SRBD1: variants seen among roughly 807,000 people sequenced by gnomAD.
SRBD1 encodes the protein S1 RNA-binding domain-containing protein 1.
Under a neutral mutation model 115.3 loss-of-function variants are expected in SRBD1, and 88 were observed. That is an observed-to-expected ratio of 0.76 (90% CI 0.64 to 0.91). SRBD1 has a LOEUF of 0.91. Ranked by LOEUF, SRBD1 falls within the 40% of genes least tolerant of loss-of-function variation. SRBD1 has a pLI of 0.00. For missense variants in SRBD1, 1,385 were observed against 1,177.4 expected, an observed-to-expected ratio of 1.18 and a Z score of -2.58; for synonymous variants, 509 against 407.7, an observed-to-expected ratio of 1.25 and a Z score of -2.99.
chr2:45,488,818 C>G (rs961535741), intron 14 of SRBD1, among the ~76,000 whole-genome samples: 1 of 151,646 alleles, frequency 6.6e-6, no homozygotes, highest in African/African-American at 2.4e-5. Flanking sequence ...ATCATAAGCA[C>G]TGTTATTGTT....
intron 16 of SRBD1, among the ~76,000 whole-genome samples, chr2:45,434,741 A>G (rs1469879825): frequency 6.6e-6 from 1 of 151,760 alleles, no homozygotes; most frequent in Non-Finnish European, 1.5e-5. Flanking sequence ...CTCCAGAATC[A>G]AGCCTTTCTT....
intron 16 of SRBD1, among the ~76,000 whole-genome samples, chr2:45,446,043 G>A (rs1433131989): frequency 6.6e-6 from 1 of 152,166 alleles, no homozygotes; most frequent in African/African-American, 2.4e-5. Flanking sequence ...CAGTTAAGTG[G>A]CTCCTGTCAG....
chr2:45,601,848 C>T, intron 3 of SRBD1, 55 bp downstream of exon 3: 1 of 1,583,002 alleles, frequency 6.3e-7, no homozygotes. Context: ...AAGAAAATAA[C>T]ATCACCAATC....
At chr2:45,420,886 G>A (rs1667976397) in intron 16 of SRBD1, among the ~76,000 whole-genome samples, 1 of 152,014 alleles carries the variant, frequency 6.6e-6, no homozygotes, top group Non-Finnish European at 1.5e-5. Flanking sequence ...TATACTTTAA[G>A]TTGTTCTAGG....
chr2:45,404,503 T>G (rs372929837), intron 19 of SRBD1, among the ~76,000 whole-genome samples: 7 of 152,296 alleles, frequency 4.6e-5, no homozygotes, highest in African/African-American at 1.7e-4. Context: ...TTTTGCCATT[T>G]GTAACCAGTT....
chr2:45,481,732 C>G (rs988740880), intron 15 of SRBD1, among the ~76,000 whole-genome samples: 3 of 151,930 alleles, frequency 2.0e-5, no homozygotes, highest in Non-Finnish European at 4.4e-5. Flanking sequence ...CAACTGATGA[C>G]TAAACAAAAT....
At chr2:45,438,642 A>G (rs183985833) in intron 16 of SRBD1, among the ~76,000 whole-genome samples, 1,878 of 151,912 alleles carry the variant, frequency 0.012, 46 homozygotes, top group African/African-American at 0.041. Flanking sequence ...AGTGAACACG[A>G]AGAGAGATAT....
chr2:45,524,271 A>C (rs1407284461), intron 14 of SRBD1, among the ~76,000 whole-genome samples: 2 of 152,196 alleles, frequency 1.3e-5, no homozygotes, highest in African/African-American at 4.8e-5. Context: ...TGCCACTTCT[A>C]TTCAACACTG....
chr2:45,511,184 A>G (rs1309883812), intron 14 of SRBD1, among the ~76,000 whole-genome samples: 1 of 152,222 alleles, frequency 6.6e-6, no homozygotes, highest in Non-Finnish European at 1.5e-5. Context: ...ACGTTTTTCT[A>G]TTGCTTTGGA....
intron 16 of SRBD1, among the ~76,000 whole-genome samples, chr2:45,436,205 A>G (rs1668492682): frequency 2.0e-5 from 3 of 152,208 alleles, no homozygotes; most frequent in Admixed American, 6.5e-5. Context: ...AAATCTAACT[A>G]ACACTCATTC....
At chr2:45,463,029 G>A (rs936849569) in intron 16 of SRBD1, among the ~76,000 whole-genome samples, 1 of 76,852 alleles carries the variant, frequency 1.3e-5, no homozygotes, top group African/African-American at 7.2e-5. Context: ...GGGGGGGGGG[G>A]GGAAATCTCT....
At chr2:45,502,592 T>C (rs1486018187) in intron 14 of SRBD1, among the ~76,000 whole-genome samples, 1 of 149,262 alleles carries the variant, frequency 6.7e-6, no homozygotes, top group Non-Finnish European at 1.5e-5. Flanking sequence ...CAGAAAACCA[T>C]ACACCGCATG....
intron 4 of SRBD1, among the ~76,000 whole-genome samples, chr2:45,592,366 G>A (rs757173623): frequency 3.3e-5 from 5 of 152,088 alleles, no homozygotes; most frequent in Non-Finnish European, 7.3e-5. Context: ...CATAAGGAGG[G>A]CACTGCACAT....
intron 16 of SRBD1, among the ~76,000 whole-genome samples, chr2:45,443,457 T>C (rs1041704355): frequency 4.0e-5 from 6 of 151,734 alleles, no homozygotes; most frequent in African/African-American, 1.5e-4. Context: ...AAAATTTTGG[T>C]GGGGGGGATT....
At chr2:45,419,138 G>C (rs1667923875) in intron 17 of SRBD1, among the ~76,000 whole-genome samples, 5 of 152,168 alleles carry the variant, frequency 3.3e-5, no homozygotes, top group Non-Finnish European at 5.9e-5. Context: ...ATTATGAAAT[G>C]TTTGTAGATG....
Position 45,389,030 on chromosome 2 carries a change from A to G in SRBD1, c.*280T>C. 1 of 359,090 alleles carries G rather than the reference A, an allele frequency of 2.8e-6. No individual in the cohort carries two copies. Among genetic ancestry groups the G allele is most frequent in the Non-Finnish European group, 5.0e-6 (1 of 199,848 alleles). The allele number at this position is 359,090 out of a possible 1,614,324, so 22.2% of individuals were successfully genotyped here. On this transcript the variant is annotated 3_prime_UTR_variant, in exon 21 of 21. Coordinates refer to ENST00000263736, the MANE Select transcript of SRBD1 (RefSeq NM_018079.5). Reference sequence around the variant, plus strand: ...ACAAAATGCAAAAGGAGTTAAAGATAAATTACAAAAAATAAAAAACAAAAT... The same window carrying G: ...ACAAAATGCAAAAGGAGTTAAAGATGAATTACAAAAAATAAAAAACAAAAT...
chr2:45,498,402 T>G (rs1670525486), intron 14 of SRBD1, among the ~76,000 whole-genome samples: 1 of 152,184 alleles, frequency 6.6e-6, no homozygotes, highest in African/African-American at 2.4e-5. Flanking sequence ...CTCATTTTAA[T>G]TTTTGAAAAT....
chr2:45,432,248 T>C lies in SRBD1; in HGVS notation c.2050-12354A>G, dbSNP rs76420295. Among the ~76,000 whole-genome samples the C allele has an allele frequency of 5.1e-4, 77 of 152,108 alleles. 2 individuals are homozygous for C. In the East Asian group the frequency reaches 9.5e-3, roughly 19 times the overall value. On this transcript the variant is annotated intron_variant, in intron 16 of 20. Transcript: ENST00000263736. ...TTCTCCATATTGGTCAGGCTGGTCT[T>C]GAACTCCCGACCTCAGGTGATCCGC... is the stretch of plus-strand genomic sequence containing the variant.
chr2:45,573,188 A>T lies in SRBD1; in HGVS notation c.1305+19T>A. ...TCATTATTACGAAATCAGCATGCAC[A>T]TGCAGTTTCTTTATTTACCTGATGA... On this transcript the variant is annotated intron_variant, in intron 9 of 20. Transcript: ENST00000263736. 1.3e-6 allele frequency: 2 copies of T among 1,585,304 alleles called. No individual in the cohort carries two copies. Among genetic ancestry groups the T allele is most frequent in the Admixed American group, 1.8e-5 (1 of 54,496 alleles).
Sources: allele counts gnomAD v4.1 joint callset (sites outside exome capture counted in the v4.1 genomes callset), GRCh38; gene constraint gnomAD v4.1.1; transcripts MANE v1.5; gene names NCBI Gene and HGNC (gene_info 2026-07-23, HGNC 2026-07-21).